Variants in CORIN observed in about 807,000 individuals in gnomAD.
CORIN encodes the protein atrial natriuretic peptide-converting enzyme.
CORIN carries 117 observed loss-of-function variants against 125.3 expected under a neutral mutation model. The observed-to-expected ratio is 0.93, with a 90% confidence interval of 0.80 to 1.09. The LOEUF is 1.09. Among genes scored for constraint, CORIN ranks in the 50% least tolerant of loss-of-function variants. The pLI is 0.00. For synonymous variants in CORIN, 450 were observed against 466.4 expected, an observed-to-expected ratio of 0.96 and a Z score of 0.45; for missense variants, 1,253 against 1,306.7, an observed-to-expected ratio of 0.96 and a Z score of 0.63.
intron 12 of CORIN, 57 bp from the exon 13 acceptor site, chr4:47,653,717 T>G: frequency 1.4e-6 from 2 of 1,437,014 alleles, no homozygotes; most frequent in Non-Finnish European, 2.0e-6. Flanking sequence ...TCAGCTAATT[T>G]ATGTATTTAC....
chr4:47,666,435 G>A (rs1577801858), intron 10 of CORIN, among the ~76,000 whole-genome samples: 3 of 152,338 alleles, frequency 2.0e-5, no homozygotes, highest in African/African-American at 7.2e-5. Context: ...TATTGTCTCT[G>A]CCACTGAGGA....
intron 16 of CORIN, among the ~76,000 whole-genome samples, chr4:47,634,416 G>A (rs1443120536): frequency 1.3e-5 from 2 of 152,100 alleles, no homozygotes; most frequent in Non-Finnish European, 2.9e-5. Context: ...GGTGGATCAC[G>A]TGAGGTCGGG....
rs73135986 is a variant in CORIN, at chr4:47,795,916, T to A, written c.209-8991A>T. ...AATGCAAATCAAAATGATAAAGAGA[T>A]GTCACATCATGGTTGTTATGATGGC... On this transcript the variant is annotated intron_variant, in intron 2 of 21. Coordinates refer to ENST00000273857, the MANE Select transcript of CORIN (RefSeq NM_006587.4). Among the ~76,000 whole-genome samples, 366 of 152,156 alleles carry A rather than the reference T, an allele frequency of 2.4e-3. 2 individuals are homozygous for A. The highest frequency in any genetic ancestry group is 8.1e-3 in the African/African-American group (335 of 41,538).
At chr4:47,835,427 T>C (rs1181113507) in intron 1 of CORIN, among the ~76,000 whole-genome samples, 1 of 152,192 alleles carries the variant, frequency 6.6e-6, no homozygotes, top group Non-Finnish European at 1.5e-5. Flanking sequence ...GAGCTCTTAT[T>C]ACCCCAGCAG....
At chr4:47,610,818 A>T (rs1022378449) in intron 19 of CORIN, among the ~76,000 whole-genome samples, 19 of 152,304 alleles carry the variant, frequency 1.2e-4, no homozygotes, top group African/African-American at 4.6e-4. Flanking sequence ...ATGGCTAGCC[A>T]GTTCTCCCAG....
At chr4:47,786,214 C>T (rs1730796250) in intron 3 of CORIN, among the ~76,000 whole-genome samples, 2 of 152,146 alleles carry the variant, frequency 1.3e-5, no homozygotes, top group Non-Finnish European at 2.9e-5. Context: ...ACCTGAACAT[C>T]TGGGCTAATG....
At chr4:47,727,665 A>G (rs994088755) in intron 5 of CORIN, among the ~76,000 whole-genome samples, 9 of 152,136 alleles carry the variant, frequency 5.9e-5, no homozygotes, top group African/African-American at 2.2e-4. Context: ...GGAAATAGAA[A>G]TGACTTCAGA....
At chr4:47,624,016 C>T in intron 17 of CORIN, 68 bp from the exon 18 acceptor site, 1 of 1,340,114 alleles carries the variant, frequency 7.5e-7, no homozygotes, top group Non-Finnish European at 1.1e-6. Flanking sequence ...AAACACTTTA[C>T]CAGTGAAATA....
intron 10 of CORIN, among the ~76,000 whole-genome samples, chr4:47,668,184 T>A (rs1405295372): frequency 6.6e-6 from 1 of 152,242 alleles, no homozygotes; most frequent in African/African-American, 2.4e-5. Context: ...TATAGCAGTC[T>A]GAACTAAGAC....
intron 5 of CORIN, among the ~76,000 whole-genome samples, chr4:47,724,003 A>C (rs1460084976): frequency 6.6e-6 from 1 of 151,680 alleles, no homozygotes; most frequent in Non-Finnish European, 1.5e-5. Flanking sequence ...CTCAAAAAAA[A>C]AAAAAAAAAA....
At chr4:47,652,314 T>C (rs1017802692) in intron 13 of CORIN, among the ~76,000 whole-genome samples, 1 of 152,198 alleles carries the variant, frequency 6.6e-6, no homozygotes, top group African/African-American at 2.4e-5. Flanking sequence ...AGTTGATTGC[T>C]TGTGACATTT....
At chr4:47,762,758 G>C (rs1184016473) in intron 4 of CORIN, among the ~76,000 whole-genome samples, 2 of 152,324 alleles carry the variant, frequency 1.3e-5, no homozygotes, top group East Asian at 3.9e-4. Flanking sequence ...GGTTGTGGAT[G>C]AGTTCATTTG....
chr4:47,717,936 C>A (rs1727175606), intron 5 of CORIN, among the ~76,000 whole-genome samples: 1 of 151,896 alleles, frequency 6.6e-6, no homozygotes, highest in South Asian at 2.1e-4. Flanking sequence ...CCATATCACA[C>A]CACCGAAGTG....
chr4:47,630,607 A>C (rs1015266116), intron 16 of CORIN, among the ~76,000 whole-genome samples: 4 of 152,236 alleles, frequency 2.6e-5, no homozygotes, highest in African/African-American at 7.2e-5. Context: ...CTAGGGCAAG[A>C]GTACCAGTGG....
chr4:47,694,036 T>A (rs1725878417), intron 5 of CORIN, among the ~76,000 whole-genome samples: 2 of 152,222 alleles, frequency 1.3e-5, no homozygotes, highest in South Asian at 4.1e-4. Context: ...CATACCATCA[T>A]TGTTTAAAAT....
At chr4:47,621,698 G>C (rs1722314082) in intron 19 of CORIN, among the ~76,000 whole-genome samples, 1 of 151,820 alleles carries the variant, frequency 6.6e-6, no homozygotes, top group Admixed American at 6.6e-5. Flanking sequence ...AATTTGGCTG[G>C]GCCACAGCAC....
chr4:47,612,868 A>T (rs1345035734), intron 19 of CORIN, among the ~76,000 whole-genome samples: 3 of 152,246 alleles, frequency 2.0e-5, no homozygotes, highest in Non-Finnish European at 4.4e-5. Flanking sequence ...CAAATATGAT[A>T]GAAAGCTAGC....
intron 10 of CORIN, among the ~76,000 whole-genome samples, chr4:47,670,167 T>C (rs1323760801): frequency 6.6e-6 from 1 of 152,190 alleles, no homozygotes; most frequent in Non-Finnish European, 1.5e-5. Context: ...CTTCATTCCA[T>C]TCACAAGACT....
At chr4:47,809,988 G>A (rs889115654) in intron 1 of CORIN, among the ~76,000 whole-genome samples, 1 of 152,066 alleles carries the variant, frequency 6.6e-6, no homozygotes, top group Non-Finnish European at 1.5e-5. Flanking sequence ...CCCTTCAAAT[G>A]GCATCCCTCT....
Sources: allele counts gnomAD v4.1 joint callset (sites outside exome capture counted in the v4.1 genomes callset), GRCh38; gene constraint gnomAD v4.1.1; transcripts MANE v1.5; gene names NCBI Gene and HGNC (gene_info 2026-07-23, HGNC 2026-07-21).